The following CHST12 variants were observed in gnomAD, a reference collection of about 807,000 sequenced individuals.
The protein encoded by CHST12 is carbohydrate (chondroitin 4) sulfotransferase 12.
Under a neutral mutation model 27.9 loss-of-function variants are expected in CHST12, and 23 were observed. The ratio of observed to expected loss-of-function variants is 0.82; its 90% confidence interval spans 0.59 to 1.17. The LOEUF is 1.17. CHST12 is among the 50% of genes most tolerant of loss of function. CHST12 has a pLI of 0.00. For synonymous variants in CHST12, 322 were observed against 273.0 expected, an observed-to-expected ratio of 1.18 and a Z score of -1.77; for missense variants, 682 against 603.0, an observed-to-expected ratio of 1.13 and a Z score of -1.37.
rs1450306241 is a variant in CHST12, at chr7:2,442,436, T to C, written c.*8552T>C. The C allele has an allele frequency of 6.6e-6, 1 of 152,272 alleles. No homozygotes were observed. Among genetic ancestry groups the C allele is most frequent in the Non-Finnish European group, 1.5e-5 (1 of 68,122 alleles). The allele number at this position is 152,272 out of a possible 1,614,324, so 9.4% of individuals were successfully genotyped here. A position where few individuals can be genotyped will look rare whatever the true frequency, so the allele number is the denominator to read the frequency against. ...TGGAGTGCGGTGGCACCATCTCAGC[T>C]CACTGCAAGCTCCGCCTCCCAGGTT... On this transcript the variant is annotated 3_prime_UTR_variant, in exon 2 of 2. Transcript: ENST00000618655.
intron 1 of CHST12, among the ~76,000 whole-genome samples, chr7:2,416,059 C>G (rs1014706888): frequency 1.3e-5 from 2 of 152,172 alleles, no homozygotes; most frequent in African/African-American, 4.8e-5. Flanking sequence ...CTTCTCAAAC[C>G]TTGCCACTGC....
rs960975427 is a variant in CHST12 at position 2,447,658 on chromosome 7, A to C, written c.*13774A>C. ...CAGCTAATTTTTGTATTTTTAGTAG[A>C]GATGAGGTTTCACCATGTTGGCCAG... is the stretch of plus-strand genomic sequence containing the variant. On this transcript the variant is annotated 3_prime_UTR_variant, in exon 2 of 2. Coordinates refer to ENST00000618655, the MANE Select transcript of CHST12 (RefSeq NM_018641.5). 1 of 152,080 alleles carries C rather than the reference A, an allele frequency of 6.6e-6. No homozygotes were observed. Among genetic ancestry groups the C allele is most frequent in the Admixed American group, 6.6e-5 (1 of 15,252 alleles). The allele number at this position is 152,080 out of a possible 1,614,324, so 9.4% of individuals were successfully genotyped here. A position where few individuals can be genotyped will look rare whatever the true frequency, so the allele number is the denominator to read the frequency against.
chr7:2,432,345 G>A (rs1417388605), intron 1 of CHST12, among the ~76,000 whole-genome samples: 1 of 151,924 alleles, frequency 6.6e-6, no homozygotes, highest in Admixed American at 6.6e-5. Flanking sequence ...GGAAGCACGC[G>A]AGCCTTGGCG....
chr7:2,431,942 A>G (rs1782279009), intron 1 of CHST12, among the ~76,000 whole-genome samples: 1 of 151,996 alleles, frequency 6.6e-6, no homozygotes, highest in Non-Finnish European at 1.5e-5. Flanking sequence ...GTGGGGTTTG[A>G]TGATTTGCTA....
Position 2,433,491 on chromosome 7 carries a change from G to T in CHST12, c.852G>T (p.Leu284=). 1 of 1,611,612 alleles carries T rather than the reference G, an allele frequency of 6.2e-7. No individual in the cohort carries two copies. Among genetic ancestry groups the T allele is most frequent in the African/African-American group, 1.3e-5 (1 of 75,044 alleles). Residue 284 remains leucine, a synonymous_variant, in exon 2 of 2, where the codon CTG becomes CTT. Transcript: ENST00000618655. The surrounding 1 kb of genome is among the most constrained non-coding windows in gnomAD (Gnocchi z 6.1). The part of the protein sequence containing the change: ...MLRLYANHTS[L]PASAREAFRA... Reference sequence around the variant, plus strand: ...GGCTGTACGCCAACCACACCAGCCTGCCCGCCTCGGCGCGCGAGGCCTTCC... The same window carrying T: ...GGCTGTACGCCAACCACACCAGCCTTCCCGCCTCGGCGCGCGAGGCCTTCC...
In CHST12 at chr7:2,433,012, A is replaced by G; in HGVS notation, c.373A>G (p.Arg125Gly). The part of the protein sequence containing the change: ...PDQGRQQAER[R>G]SVLRGFCANS... ...CCAGGGCCGGCAGCAGGCGGAGCGG[A>G]GGAGCGTGCTGCGGGGCTTCTGCGC... Residue 125 changes from arginine to glycine, a missense_variant, in exon 2 of 2, where the codon AGG becomes GGG. Transcript: ENST00000618655. The surrounding 1 kb of genome is among the most constrained non-coding windows in gnomAD (Gnocchi z 6.1). The G allele has an allele frequency of 1.9e-6, 3 of 1,611,004 alleles. No homozygotes were observed. The highest frequency in any genetic ancestry group is 2.5e-6 in the Non-Finnish European group (3 of 1,179,312).
chr7:2,428,142 G>C (rs1174092449), intron 1 of CHST12, among the ~76,000 whole-genome samples: 1 of 151,058 alleles, frequency 6.6e-6, no homozygotes, highest in Non-Finnish European at 1.5e-5. Flanking sequence ...TTAATATTTT[G>C]AGCATTTTTG....
At chr7:2,410,888 C>T (rs1273279904) in intron 1 of CHST12, among the ~76,000 whole-genome samples, 1 of 151,994 alleles carries the variant, frequency 6.6e-6, no homozygotes, top group Non-Finnish European at 1.5e-5. Context: ...ATAGAATAAC[C>T]GTGGCTTTGG....
chr7:2,432,343 G>A (rs1054192285), intron 1 of CHST12, among the ~76,000 whole-genome samples: 1 of 151,920 alleles, frequency 6.6e-6, no homozygotes, highest in Non-Finnish European at 1.5e-5. Context: ...AGGGAAGCAC[G>A]CGAGCCTTGG....
intron 1 of CHST12, among the ~76,000 whole-genome samples, chr7:2,432,292 CG>C (rs1215760572): frequency 2.6e-5 from 4 of 151,956 alleles, no homozygotes; most frequent in Non-Finnish European, 5.9e-5. Flanking sequence ...ATTACTTTCC[CG>C]CCAGTGGCGA....
Position 2,447,824 on chromosome 7 carries a change from T to A in CHST12, c.*13940T>A, listed in dbSNP as rs1782793067. 6.6e-6 allele frequency: 1 copy of A among 151,504 alleles called. No individual in the cohort carries two copies. The highest frequency in any genetic ancestry group is 6.6e-5 in the Admixed American group (1 of 15,180). 9.4% of individuals were successfully genotyped at this position (151,504 alleles called of 1,614,324 possible). A position where few individuals can be genotyped will look rare whatever the true frequency, so the allele number is the denominator to read the frequency against. ...GTGAAAACAAGTTTATTAACAAAGTTAAGAAATAAAGAATGGCTATTCCAT... is the reference window on the plus strand; with the variant it reads ...GTGAAAACAAGTTTATTAACAAAGTAAAGAAATAAAGAATGGCTATTCCAT... On this transcript the variant is annotated 3_prime_UTR_variant, in exon 2 of 2. Transcript: ENST00000618655.
At chr7:2,409,116 G>A (rs1781599030) in intron 1 of CHST12, among the ~76,000 whole-genome samples, 1 of 152,232 alleles carries the variant, frequency 6.6e-6, no homozygotes, top group Admixed American at 6.5e-5. Flanking sequence ...AGGCGCAGCT[G>A]TGGATAGCCT....
rs1782439716 is a variant in CHST12 at position 2,435,052 on chromosome 7, C to CA, written c.*1174dup. On this transcript the variant is annotated 3_prime_UTR_variant, in exon 2 of 2. Transcript: ENST00000618655. ...ACCACATAGCGAGACCCTGTGTCTA[C>CA]AAAAAATAAGAAAATCAGCCGGACA... The CA allele has an allele frequency of 6.6e-6, 1 of 151,892 alleles. No homozygotes were observed. Among genetic ancestry groups the CA allele is most frequent in the Non-Finnish European group, 1.5e-5 (1 of 68,028 alleles). The allele number at this position is 151,892 out of a possible 1,614,324, so 9.4% of individuals were successfully genotyped here. A position where few individuals can be genotyped will look rare whatever the true frequency, so the allele number is the denominator to read the frequency against.
chr7:2,417,852 C>T (rs1781850488), intron 1 of CHST12, among the ~76,000 whole-genome samples: 1 of 152,232 alleles, frequency 6.6e-6, no homozygotes, highest in African/African-American at 2.4e-5. Flanking sequence ...TATCTGGGTA[C>T]CCCACGGCCC....
intron 1 of CHST12, among the ~76,000 whole-genome samples, chr7:2,419,873 C>G (rs752894307): frequency 6.6e-6 from 1 of 151,794 alleles, no homozygotes; most frequent in Non-Finnish European, 1.5e-5. Flanking sequence ...ACTCCCATCC[C>G]CCTCCCCTGC....
At chr7:2,432,512 CAG>C (rs1782299096) in intron 1 of CHST12, 49 bp from the exon 2 acceptor site, 2 of 1,104,604 alleles carry the variant, frequency 1.8e-6, no homozygotes, top group Non-Finnish European at 2.5e-6. Flanking sequence ...AGGCAGGAGT[CAG>C]AGCCCCAGTG....
rs764562574 is a variant in CHST12, at chr7:2,433,794, C to T, written c.1155C>T (p.Pro385=). The stretch of plus-strand genomic sequence containing the variant: ...AGGAGGACTGGTTCGCCAAGATCCC[C>T]CTGGCCTGGAGGCAGCAGCTGTATA... ...SWEEDWFAKI[P]LAWRQQLYKL... The change falls in exon 2 of 2, where the codon CCC becomes CCT. Residue 385 remains proline, a synonymous_variant. Coordinates refer to ENST00000618655, the MANE Select transcript of CHST12 (RefSeq NM_018641.5). This position sits in a 1 kb window ranked among gnomAD's most constrained non-coding sequence, Gnocchi z 6.1. 5.6e-6 allele frequency: 9 copies of T among 1,614,048 alleles called. No homozygotes were observed. In the South Asian group the frequency reaches 8.8e-5, roughly 16 times the overall value.
chr7:2,433,804 A>C lies in CHST12; in HGVS notation c.1165A>C (p.Arg389=). 1 of 1,614,048 alleles carries C rather than the reference A, an allele frequency of 6.2e-7. No individual in the cohort carries two copies. The highest frequency in any genetic ancestry group is 8.5e-7 in the Non-Finnish European group (1 of 1,179,994). ...GTTCGCCAAGATCCCCCTGGCCTGG[A>C]GGCAGCAGCTGTATAAACTCTACGA... ...DWFAKIPLAW[R]QQLYKLYEAD... Residue 389 remains arginine (R), a synonymous_variant, in exon 2 of 2, where the codon AGG becomes CGG. Transcript: ENST00000618655. The surrounding 1 kb of genome is among the most constrained non-coding windows in gnomAD (Gnocchi z 6.1).
At chr7:2,407,590 A>T (rs930479226) in intron 1 of CHST12, among the ~76,000 whole-genome samples, 2 of 152,142 alleles carry the variant, frequency 1.3e-5, no homozygotes, top group Non-Finnish European at 2.9e-5. Flanking sequence ...CACGGGTGAA[A>T]ATGCAGGTAT....
Sources: gnomAD v4.1 joint callset for allele counts (sites outside exome capture counted in the v4.1 genomes callset) on GRCh38, gnomAD v4.1.1 for gene constraint, Gnocchi (gnomAD v3.1) non-coding constraint, MANE v1.5 for transcripts, NCBI Gene and HGNC (gene_info 2026-07-23, HGNC 2026-07-21) for gene names.